The following ERCC2 variants were observed in gnomAD, a reference collection of about 807,000 sequenced individuals.
ERCC2 encodes general transcription and DNA repair factor IIH helicase subunit XPD.
Under a neutral mutation model 99.4 loss-of-function variants are expected in ERCC2, and 90 were observed. The ratio of observed to expected loss-of-function variants is 0.91; its 90% CI spans 0.76 to 1.08. ERCC2 has a LOEUF of 1.08. Among genes scored for constraint, ERCC2 ranks in the 50% least tolerant of loss-of-function variants. ERCC2 has a pLI of 0.00. For synonymous variants in ERCC2, 497 were observed against 432.4 expected (o/e 1.15, Z -1.85); for missense variants, 993 against 1,038.1 (o/e 0.96, Z 0.60).
At chr19:45,353,480 A>G (rs1971900632) in intron 17 of ERCC2, 146 bp from the exon 18 acceptor site, 1 of 680,746 alleles carries the variant, frequency 1.5e-6, no homozygotes, top group East Asian at 2.7e-5. Flanking sequence ...GGAATTGTCC[A>G]ACCTCAGTTC....
At chr19:45,358,400 C>T (rs1401231570) in intron 12 of ERCC2, 4 of 210,358 alleles carry the variant, frequency 1.9e-5, no homozygotes, top group South Asian at 7.9e-5. Flanking sequence ...GCCCACTGCC[C>T]CCGACCCCAC....
chr19:45,353,586 C>A (rs891677591), intron 17 of ERCC2, among the ~76,000 whole-genome samples: 2 of 152,192 alleles, frequency 1.3e-5, no homozygotes, highest in Non-Finnish European at 2.9e-5. Flanking sequence ...GGCACCCCAA[C>A]CCCTGCCAGC....
In ERCC2 at chr19:45,370,228, T is replaced by G; in HGVS notation, c.10A>C (p.Asn4His). Reference sequence around the variant, plus strand: ...AAGTAGACCAGGAGCCCGTCCACGTTGAGCCTGGCGGCAGGGGCTGCTGGG... The same window carrying G: ...AAGTAGACCAGGAGCCCGTCCACGTGGAGCCTGGCGGCAGGGGCTGCTGGG... Reference protein sequence around the residue: MKLNVDGLLVYFPY... With the variant: MKLHVDGLLVYFPY... The change falls in exon 2 of 23, where the codon AAC (asparagine) becomes CAC (histidine). Residue 4 changes from asparagine to histidine, a missense_variant. Physicochemically the swap from Asn to His is moderately conservative, Grantham distance 68. This residue lies in a region of ERCC2 where 55 missense variants were observed against 45.1 expected (regional missense o/e 1.22). Transcript: ENST00000391945. 6.2e-7 allele frequency: 1 copy of G among 1,613,336 alleles called. No individual in the cohort carries two copies. The highest frequency in any genetic ancestry group is 8.5e-7 in the Non-Finnish European group (1 of 1,179,416).
At chr19:45,363,371 T>C (rs978498859) in intron 11 of ERCC2, among the ~76,000 whole-genome samples, 1 of 152,002 alleles carries the variant, frequency 6.6e-6, no homozygotes, top group African/African-American at 2.4e-5. Flanking sequence ...CCCCCACCAG[T>C]TGGTTCTCAA....
chr19:45,368,730 A>G lies in ERCC2; in HGVS notation c.260T>C (p.Leu87Pro), dbSNP rs779462120. ...VPEIEKVIEE[L>P]RKLLNFYEKQ... Reference sequence around the variant, plus strand: ...CTCATAGAAGTTGAGCAACTTTCGAAGCTCTTCAATCACCTACTCCAAAGT... The same window carrying G: ...CTCATAGAAGTTGAGCAACTTTCGAGGCTCTTCAATCACCTACTCCAAAGT... Residue 87 changes from leucine (L) to proline (P), a missense_variant, in exon 5 of 23, where the codon CTT becomes CCT. Leu to Pro is a moderately conservative substitution (Grantham distance 98). Coordinates refer to ENST00000391945, the MANE Select transcript of ERCC2 (RefSeq NM_000400.4). 8 of 1,612,790 alleles carry G rather than the reference A, an allele frequency of 5.0e-6. No homozygotes were observed. Among genetic ancestry groups the G allele is most frequent in the Non-Finnish European group, 6.8e-6 (8 of 1,179,384 alleles).
chr19:45,350,154 G>A lies in ERCC2; in HGVS notation c.*1475C>T, dbSNP rs2123201331. The A allele has an allele frequency of 8.4e-6, 5 of 597,114 alleles. No homozygotes were observed. In the East Asian group the frequency reaches 1.4e-4, roughly 17 times the overall value. The allele number at this position is 597,114 out of a possible 1,614,324, so 37.0% of individuals were successfully genotyped here. On this transcript the variant is annotated 3_prime_UTR_variant, in exon 23 of 23. Transcript: ENST00000391945. ...TTAGAAAGTGGGGCCAGACGTGGTG[G>A]TTCACGCTTGTAACCCCAACACTTT...
At chr19:45,359,963 C>G (rs1412589075) in intron 12 of ERCC2, among the ~76,000 whole-genome samples, 1 of 151,932 alleles carries the variant, frequency 6.6e-6, no homozygotes, top group Non-Finnish European at 1.5e-5. Flanking sequence ...TTAGTAGAGA[C>G]GGGGTTTCAC....
rs562723412 is a variant in ERCC2 at position 45,354,093 on chromosome 19, C to G, written c.1665+637G>C. Reference sequence around the variant, plus strand: ...CCTCCCATGCGTGCCTTTCCAATACCTGGATTAGCCAAGTTCACTCACCTC... The same window carrying G: ...CCTCCCATGCGTGCCTTTCCAATACGTGGATTAGCCAAGTTCACTCACCTC... On this transcript the variant is annotated intron_variant, in intron 17 of 22. Coordinates refer to ENST00000391945, the MANE Select transcript of ERCC2 (RefSeq NM_000400.4). 8.7e-4 allele frequency among the ~76,000 whole-genome samples: 132 copies of G among 152,330 alleles called. 1 individual carries two copies. The highest frequency in any genetic ancestry group is 3.4e-3 in the Admixed American group (52 of 15,300).
At position 45,364,028 on chromosome 19, in the gene ERCC2, C is replaced by A; in HGVS notation, c.907G>T (p.Ala303Ser). Residue 303 changes from alanine (A) to serine (S), a missense_variant, in exon 10 of 23, where the codon GCC (alanine) becomes TCC (serine). Transcript: ENST00000391945. ...REASAARETD[A>S]HLANPVLPDE... is the part of the protein sequence containing the mutation. ...GGCAGCACGGGGTTGGCCAGGTGGG[C>A]GTCCGTCTCCCGGGCGGCGCTGGCC... 6.4e-7 allele frequency: 1 copy of A among 1,553,888 alleles called. No homozygotes were observed. Among genetic ancestry groups the A allele is most frequent in the Non-Finnish European group, 8.7e-7 (1 of 1,150,356 alleles).
In ERCC2 at chr19:45,365,004, T is replaced by A. The variant is rs760266233; in HGVS notation, c.477+38A>T. 4.3e-6 allele frequency: 7 copies of A among 1,609,612 alleles called. No homozygotes were observed. In the South Asian group the frequency reaches 7.7e-5, roughly 18 times the overall value. On this transcript the variant is annotated intron_variant, in intron 6 of 22. Transcript: ENST00000391945. ...GGGAGGCTGCCTGCCCCAGGCTACC[T>A]GTCCTGCCTCCCTCCCTCAGCCCTG...
chr19:45,361,933 CTTTTTCTTT>C, intron 11 of ERCC2: 1 of 401,300 alleles, frequency 2.5e-6, no homozygotes. Context: ...TTCTTTTTTT[CTTTTTCTTT>C]TTTTTCTTTG....
rs761935682 is a variant in ERCC2, at chr19:45,364,349, A to G, written c.719-18T>C. On this transcript the variant is annotated intron_variant, in intron 8 of 22. Coordinates refer to ENST00000391945, the MANE Select transcript of ERCC2 (RefSeq NM_000400.4). Reference sequence around the variant, plus strand: ...GACGTTGTCTGGAGAAGGGGGAGAGAGCCGGCTCAGGCAGGCCTGCAGGGG... The same window carrying G: ...GACGTTGTCTGGAGAAGGGGGAGAGGGCCGGCTCAGGCAGGCCTGCAGGGG... 6.2e-7 allele frequency: 1 copy of G among 1,613,808 alleles called. No homozygotes were observed.
chr19:45,357,485 T>C lies in ERCC2; in HGVS notation c.1366A>G (p.Ile456Val), dbSNP rs751181061. The C allele has an allele frequency of 2.2e-5, 36 of 1,613,894 alleles. No individual in the cohort carries two copies. The highest frequency in any genetic ancestry group is 1.6e-4 in the Middle Eastern group (1 of 6,084). Reference protein sequence around the residue: ...PVFERFQSVIITSGTLSPLDI... With the variant: ...PVFERFQSVIVTSGTLSPLDI... ...GGAAGGGTCCTTACCCCAGATGTGA[T>C]GATGACAGACTGGAAACGCTCAAAT... The change falls in exon 14 of 23, where the codon ATC (isoleucine) becomes GTC (valine). Residue 456 changes from isoleucine to valine, a missense_variant. Ile to Val is a conservative substitution (Grantham distance 29). This residue lies in a region of ERCC2 where 909 missense variants were observed against 930.8 expected (regional missense o/e 0.98). Coordinates refer to ENST00000391945, the MANE Select transcript of ERCC2 (RefSeq NM_000400.4).
At position 45,370,245 on chromosome 19, in the gene ERCC2, G is replaced by A. The variant is rs762140799; in HGVS notation, c.6-13C>T. 5 of 1,612,772 alleles carry A rather than the reference G, an allele frequency of 3.1e-6. No homozygotes were observed. In the Admixed American group the frequency reaches 8.3e-5, roughly 27 times the overall value. On this transcript the variant is annotated splice_polypyrimidine_tract_variant and intron_variant, in intron 1 of 22. Transcript: ENST00000391945. ...GTCCACGTTGAGCCTGGCGGCAGGG[G>A]CTGCTGGGTCAGTTCCCGTCCCCTC...
At chr19:45,364,684 T>C (rs964848344) in intron 7 of ERCC2, 137 bp from the exon 8 acceptor site, 22 of 1,396,256 alleles carry the variant, frequency 1.6e-5, no homozygotes, top group Non-Finnish European at 2.0e-5. Flanking sequence ...AGCAGATGGA[T>C]AGAGACAGAC....
In ERCC2 at chr19:45,353,747, T is replaced by G. The variant is rs540713527; in HGVS notation, c.1666-413A>C. On this transcript the variant is annotated intron_variant, in intron 17 of 22. Coordinates refer to ENST00000391945, the MANE Select transcript of ERCC2 (RefSeq NM_000400.4). ...GAGAGTCCAGAAACACACAGCCACC[T>G]GTGCAGTTCAGTGGGGAGAGCTTTT... 3.3e-5 allele frequency among the ~76,000 whole-genome samples: 5 copies of G among 152,350 alleles called. No homozygotes were observed. In the South Asian group the frequency reaches 1.0e-3, roughly 32 times the overall value.
At chr19:45,360,237 C>A (rs984421378) in intron 12 of ERCC2, among the ~76,000 whole-genome samples, 3 of 151,934 alleles carry the variant, frequency 2.0e-5, no homozygotes, top group Non-Finnish European at 2.9e-5. Context: ...CCCGCCACCA[C>A]GCCCAGCTAA....
At position 45,351,431 on chromosome 19, in the gene ERCC2, G is replaced by A. The variant is rs1971770520; in HGVS notation, c.*198C>T. On this transcript the variant is annotated 3_prime_UTR_variant, in exon 23 of 23. Transcript: ENST00000391945. ...GGATGGGCTGGTGGGGTGAGAGGGG[G>A]TCTATCATCTCCTGGCCCCCCCTTG... is the stretch of plus-strand genomic sequence containing the variant. 3 of 1,590,168 alleles carry A rather than the reference G, an allele frequency of 1.9e-6. No individual in the cohort carries two copies. The highest frequency in any genetic ancestry group is 1.3e-5 in the African/African-American group (1 of 74,638).
At chr19:45,361,274 C>G (rs768738325) in intron 12 of ERCC2, among the ~76,000 whole-genome samples, 9 of 152,166 alleles carry the variant, frequency 5.9e-5, no homozygotes, top group Admixed American at 1.3e-4. Context: ...TCTCTGGCCT[C>G]CTCCCTTACC....
Sources: allele counts gnomAD v4.1 joint callset (sites outside exome capture counted in the v4.1 genomes callset), GRCh38; gene constraint gnomAD v4.1.1; regional missense constraint gnomAD v4.1.1; transcripts MANE v1.5; gene names NCBI Gene and HGNC (gene_info 2026-07-23, HGNC 2026-07-21).